MDGA2: variants seen among roughly 807,000 people sequenced by gnomAD.
MDGA2 encodes the protein MAM domain-containing glycosylphosphatidylinositol anchor protein 2.
MDGA2 carries 40 observed loss-of-function variants against 117.8 expected under a neutral mutation model. The observed-to-expected ratio is 0.34, with a 90% CI of 0.26 to 0.44. The LOEUF is 0.44. Among genes scored for constraint, MDGA2 ranks in the 20% least tolerant of loss-of-function variants. The pLI, the probability that MDGA2 is intolerant of heterozygous loss-of-function variation, is 1.00. For synonymous variants in MDGA2, 452 were observed against 439.0 expected (o/e 1.03, Z -0.37); for missense variants, 1,123 against 1,250.6 (o/e 0.90, Z 1.54).
At chr14:46,917,687 ATGAC>A (rs1413525396) in intron 10 of MDGA2, among the ~76,000 whole-genome samples, 1 of 152,208 alleles carries the variant, frequency 6.6e-6, no homozygotes, top group African/African-American at 2.4e-5. Flanking sequence ...GAACAATACA[ATGAC>A]TGAGAAATGT....
At chr14:47,372,984 C>A (rs1027703395) in intron 1 of MDGA2, among the ~76,000 whole-genome samples, 4 of 151,826 alleles carry the variant, frequency 2.6e-5, no homozygotes, top group African/African-American at 9.7e-5. Context: ...TAGAACAATG[C>A]AAATACCAGT....
intron 6 of MDGA2, among the ~76,000 whole-genome samples, chr14:47,082,161 C>T (rs931396912): frequency 6.6e-6 from 1 of 152,114 alleles, no homozygotes; most frequent in Non-Finnish European, 1.5e-5. Flanking sequence ...ATATTCAGTT[C>T]AAAGTACACT....
intron 10 of MDGA2, among the ~76,000 whole-genome samples, chr14:46,889,397 C>T (rs1882792651): frequency 1.3e-5 from 2 of 151,962 alleles, no homozygotes; most frequent in South Asian, 4.2e-4. Flanking sequence ...TTTTTATCTG[C>T]CTTTGGTCTT....
At chr14:47,099,909 C>G (rs1260166515) in intron 5 of MDGA2, among the ~76,000 whole-genome samples, 1 of 152,038 alleles carries the variant, frequency 6.6e-6, no homozygotes, top group Non-Finnish European at 1.5e-5. Flanking sequence ...TTTACCCTCA[C>G]AGCCTAGTCC....
At chr14:47,401,317 G>C (rs1039258379) in intron 1 of MDGA2, among the ~76,000 whole-genome samples, 1 of 152,032 alleles carries the variant, frequency 6.6e-6, no homozygotes, top group Non-Finnish European at 1.5e-5. Flanking sequence ...AAGATGACAG[G>C]AAAATGTATA....
rs1372732072 is a variant in MDGA2, at chr14:46,841,784, T to TA, written c.*146dup. ...ATGATGTCTTTTTATCCCCAGTGCTTAAAAAAATTTGTTTTTATTATTTTA... is the reference window on the plus strand; with the variant it reads ...ATGATGTCTTTTTATCCCCAGTGCTTAAAAAAAATTTGTTTTTATTATTTTA... On this transcript the variant is annotated 3_prime_UTR_variant, in exon 17 of 17. Coordinates refer to ENST00000399232, the MANE Select transcript of MDGA2 (RefSeq NM_001113498.3). 3.9e-5 allele frequency: 21 copies of TA among 532,562 alleles called. No homozygotes were observed. In the South Asian group the frequency reaches 6.4e-4, roughly 16 times the overall value. 33.0% of individuals were successfully genotyped at this position (532,562 alleles called of 1,614,324 possible). A position where few individuals can be genotyped will look rare whatever the true frequency, so the allele number is the denominator to read the frequency against.
chr14:47,520,487 C>G (rs1370446533), intron 1 of MDGA2, among the ~76,000 whole-genome samples: 1 of 152,132 alleles, frequency 6.6e-6, no homozygotes, highest in Non-Finnish European at 1.5e-5. Flanking sequence ...ATGTGAACTT[C>G]CTAACGTAAA....
intron 1 of MDGA2, among the ~76,000 whole-genome samples, chr14:47,506,930 CT>C (rs569824415): frequency 1.0e-4 from 15 of 145,754 alleles, no homozygotes; most frequent in Middle Eastern, 3.6e-3. Flanking sequence ...TGAGTTTAGA[CT>C]TTTTTTTTTC....
At chr14:47,396,724 A>G (rs1280193435) in intron 1 of MDGA2, among the ~76,000 whole-genome samples, 1 of 152,248 alleles carries the variant, frequency 6.6e-6, no homozygotes, top group Non-Finnish European at 1.5e-5. Context: ...GCCAACAAGT[A>G]TATGAAAAAC....
chr14:47,566,879 C>T (rs1469539520), intron 1 of MDGA2, among the ~76,000 whole-genome samples: 2 of 150,368 alleles, frequency 1.3e-5, no homozygotes, highest in Admixed American at 6.7e-5. Flanking sequence ...AGACTCTCCT[C>T]CTTGTTGCAT....
chr14:47,186,495 T>A (rs1884916520), intron 3 of MDGA2, among the ~76,000 whole-genome samples: 1 of 151,860 alleles, frequency 6.6e-6, no homozygotes, highest in African/African-American at 2.4e-5. Context: ...ATCTAACATT[T>A]ATAGGGTGCT....
chr14:47,143,102 G>T (rs911870774), intron 4 of MDGA2, among the ~76,000 whole-genome samples: 2 of 151,922 alleles, frequency 1.3e-5, no homozygotes, highest in African/African-American at 2.4e-5. Flanking sequence ...GTGAAAAATG[G>T]GATCCTGAGT....
At chr14:47,538,282 T>G (rs761779045) in intron 1 of MDGA2, among the ~76,000 whole-genome samples, 2 of 152,214 alleles carry the variant, frequency 1.3e-5, no homozygotes, top group African/African-American at 2.4e-5. Flanking sequence ...ACTAAATAAT[T>G]GACATGAGCT....
chr14:47,503,321 AG>A (rs1008733099), intron 1 of MDGA2, among the ~76,000 whole-genome samples: 15 of 149,786 alleles, frequency 1.0e-4, no homozygotes, highest in Non-Finnish European at 2.2e-4. Flanking sequence ...AAAAAAAAAA[AG>A]GCATATTTAG....
At chr14:47,435,534 C>G (rs1439973437) in intron 1 of MDGA2, among the ~76,000 whole-genome samples, 1 of 152,116 alleles carries the variant, frequency 6.6e-6, no homozygotes, top group Non-Finnish European at 1.5e-5. Flanking sequence ...AACCCTCAAC[C>G]CACATTTTAA....
At chr14:47,265,531 G>C (rs1474515018) in intron 2 of MDGA2, among the ~76,000 whole-genome samples, 1 of 151,504 alleles carries the variant, frequency 6.6e-6, no homozygotes, top group East Asian at 1.9e-4. Flanking sequence ...GTTTGAGTAT[G>C]TTACTATCTT....
At chr14:47,195,752 G>T (rs969257988) in intron 3 of MDGA2, among the ~76,000 whole-genome samples, 1 of 152,042 alleles carries the variant, frequency 6.6e-6, no homozygotes, top group South Asian at 2.1e-4. Flanking sequence ...TTTATAAATA[G>T]ATTACATATT....
chr14:47,171,490 C>T (rs1251596246), intron 3 of MDGA2, among the ~76,000 whole-genome samples: 1 of 152,116 alleles, frequency 6.6e-6, no homozygotes, highest in African/African-American at 2.4e-5. Flanking sequence ...AACTACTTTT[C>T]TAGGATTCTT....
intron 2 of MDGA2, among the ~76,000 whole-genome samples, chr14:47,249,028 TTTTTG>T (rs1887352414): frequency 1.3e-5 from 2 of 150,768 alleles, no homozygotes; most frequent in Non-Finnish European, 2.9e-5. Flanking sequence ...TTGTTGTTGT[TTTTTG>T]TTTTTCATGG....
Sources: gnomAD v4.1 joint callset for allele counts (sites outside exome capture counted in the v4.1 genomes callset) on GRCh38, gnomAD v4.1.1 for gene constraint, MANE v1.5 for transcripts, NCBI Gene and HGNC (gene_info 2026-07-23, HGNC 2026-07-21) for gene names.